Variants in SEMA6D observed in about 807,000 individuals in gnomAD.
SEMA6D encodes the protein semaphorin-6D.
In SEMA6D, 35 loss-of-function variants were observed where a neutral mutation model predicts 106.6. The ratio of observed to expected loss-of-function variants is 0.33; its 90% CI spans 0.25 to 0.44. The LOEUF (loss-of-function observed/expected upper bound fraction) is 0.44. Among genes scored for constraint, SEMA6D ranks in the 20% least tolerant of loss-of-function variants. The probability of loss-of-function intolerance (pLI) is 1.00; values close to 1 mark genes in which losing one functional copy is unlikely to be tolerated. For missense variants in SEMA6D, 1,185 were observed against 1,345.9 expected, an observed-to-expected ratio of 0.88 and a Z score of 1.87; for synonymous variants, 499 against 487.7, an observed-to-expected ratio of 1.02 and a Z score of -0.31.
At chr15:47,686,443 A>G (rs1394781784) in intron 4 of SEMA6D, among the ~76,000 whole-genome samples, 2 of 152,238 alleles carry the variant, frequency 1.3e-5, no homozygotes, top group Non-Finnish European at 2.9e-5. Context: ...ATATGATTAC[A>G]TGGTATGACC....
exon 1 of SEMA6D, chr15:47,184,312 A>G (rs1893385547): frequency 6.6e-6 from 1 of 152,402 alleles, no homozygotes; most frequent in Non-Finnish European, 1.5e-5. Flanking sequence ...AGTCCTCGAT[A>G]AGTGGAGTCC....
intron 2 of SEMA6D, among the ~76,000 whole-genome samples, chr15:47,414,568 T>G (rs2040900223): frequency 6.6e-6 from 1 of 152,210 alleles, no homozygotes; most frequent in South Asian, 2.1e-4. Flanking sequence ...CTGAACTGTA[T>G]ATATCAAATT....
At chr15:47,363,572 A>G (rs2038895129) in intron 1 of SEMA6D, among the ~76,000 whole-genome samples, 1 of 152,224 alleles carries the variant, frequency 6.6e-6, no homozygotes, top group African/African-American at 2.4e-5. Context: ...GACCTAGAAT[A>G]CAAAGCAAGT....
chr15:47,589,336 T>C (rs1346503225), intron 3 of SEMA6D, among the ~76,000 whole-genome samples: 1 of 152,262 alleles, frequency 6.6e-6, no homozygotes, highest in Admixed American at 6.5e-5. Context: ...GTCTCCACCA[T>C]GCTTTGCATG....
intron 1 of SEMA6D, among the ~76,000 whole-genome samples, chr15:47,221,499 C>G (rs2031206553): frequency 6.6e-6 from 1 of 152,076 alleles, no homozygotes; most frequent in Non-Finnish European, 1.5e-5. Context: ...GGTCCAAGGA[C>G]CCCAATGACA....
intron 1 of SEMA6D, among the ~76,000 whole-genome samples, chr15:47,290,974 C>T (rs919998964): frequency 2.0e-5 from 3 of 152,178 alleles, no homozygotes; most frequent in East Asian, 1.9e-4. Context: ...TATGTGATAC[C>T]GTCTCTTGTA....
intron 4 of SEMA6D, among the ~76,000 whole-genome samples, chr15:47,707,701 G>A (rs2078939432): frequency 6.6e-6 from 1 of 152,168 alleles, no homozygotes; most frequent in Non-Finnish European, 1.5e-5. Flanking sequence ...TTTTTCATGT[G>A]TATGTGGCTC....
At chr15:47,333,460 ACACCC>A (rs2037425125) in intron 1 of SEMA6D, among the ~76,000 whole-genome samples, 1 of 152,130 alleles carries the variant, frequency 6.6e-6, no homozygotes, top group Admixed American at 6.5e-5. Context: ...GCCATACAAA[ACACCC>A]CACTGTCCAT....
intron 3 of SEMA6D, among the ~76,000 whole-genome samples, chr15:47,554,200 T>A (rs976519457): frequency 6.6e-5 from 10 of 152,214 alleles, no homozygotes; most frequent in Admixed American, 3.9e-4. Context: ...ATGGGCAGGA[T>A]CTGAACTCAG....
intron 17 of SEMA6D, chr15:47,767,362 C>T: frequency 3.4e-6 from 1 of 296,436 alleles, no homozygotes; most frequent in Non-Finnish European, 6.2e-6. Flanking sequence ...GCACGCACGC[C>T]CACCCAAGCT....
At chr15:47,538,553 C>T (rs1226655904) in intron 3 of SEMA6D, among the ~76,000 whole-genome samples, 1 of 152,156 alleles carries the variant, frequency 6.6e-6, no homozygotes, top group Non-Finnish European at 1.5e-5. Flanking sequence ...CTTATAGAAT[C>T]AAACGAATTA....
intron 2 of SEMA6D, among the ~76,000 whole-genome samples, chr15:47,446,664 A>G (rs1295572651): frequency 6.6e-6 from 1 of 152,134 alleles, no homozygotes; most frequent in Non-Finnish European, 1.5e-5. Context: ...TGTTATTTTA[A>G]TAATAAATCT....
At chr15:47,260,851 A>T (rs34218889) in intron 1 of SEMA6D, among the ~76,000 whole-genome samples, 46,249 of 151,956 alleles carry the variant, frequency 0.3, 7,292 homozygotes, top group Middle Eastern at 0.45. Context: ...TGCCAGTCTC[A>T]TCTGGTGTTA....
intron 3 of SEMA6D, among the ~76,000 whole-genome samples, chr15:47,510,758 T>C (rs1011035059): frequency 6.6e-6 from 1 of 152,152 alleles, no homozygotes; most frequent in African/African-American, 2.4e-5. Flanking sequence ...GGGCTTGAGC[T>C]AAGCATGGAG....
intron 1 of SEMA6D, among the ~76,000 whole-genome samples, chr15:47,344,748 T>G (rs948559846): frequency 2.6e-5 from 4 of 152,176 alleles, no homozygotes; most frequent in African/African-American, 9.7e-5. Flanking sequence ...GAAAAGGTCA[T>G]CTTGGAAGGA....
chr15:47,212,384 G>C (rs563510018), intron 1 of SEMA6D, among the ~76,000 whole-genome samples: 319 of 152,318 alleles, frequency 2.1e-3, no homozygotes, highest in African/African-American at 7.4e-3. Context: ...TAATGAGTCA[G>C]ACCTTTCTGC....
intron 4 of SEMA6D, among the ~76,000 whole-genome samples, chr15:47,654,150 G>A (rs370315841): frequency 2.2e-4 from 34 of 152,240 alleles, no homozygotes; most frequent in South Asian, 1.2e-3. Context: ...GAACTGCAGG[G>A]CTCTTCCTCT....
upstream of SEMA6D, among the ~76,000 whole-genome samples, chr15:47,716,665 C>CT (rs1004664809): frequency 2.6e-5 from 4 of 151,500 alleles, no homozygotes; most frequent in Non-Finnish European, 4.4e-5. Context: ...GAATATGTGA[C>CT]TTTTTTTTTC....
At chr15:47,205,166 C>A (rs1894972419) in intron 1 of SEMA6D, among the ~76,000 whole-genome samples, 1 of 152,124 alleles carries the variant, frequency 6.6e-6, no homozygotes, top group Admixed American at 6.5e-5. Context: ...GCCTGGATTA[C>A]AAAACCAGTT....
Sources: gnomAD v4.1 joint callset for allele counts (sites outside exome capture counted in the v4.1 genomes callset) on GRCh38, gnomAD v4.1.1 for gene constraint, MANE v1.5 for transcripts, NCBI Gene and HGNC (gene_info 2026-07-23, HGNC 2026-07-21) for gene names.